Variants in DOCK7 observed in about 807,000 individuals in gnomAD.
DOCK7 encodes the protein dedicator of cytokinesis 7, also known as dedicator of cytokinesis protein 7.
A neutral mutation model predicts 271.0 loss-of-function variants in DOCK7; 138 were observed. The observed-to-expected ratio is 0.51, with a 90% CI of 0.44 to 0.59. The LOEUF (loss-of-function observed/expected upper bound fraction) is 0.59. DOCK7 is among the 20% of genes least tolerant of loss of function. DOCK7 has a pLI of 0.00. For synonymous variants in DOCK7, 823 were observed against 876.1 expected, an observed-to-expected ratio of 0.94 and a Z score of 1.07; for missense variants, 2,066 against 2,592.4, an observed-to-expected ratio of 0.80 and a Z score of 4.41.
intron 18 of DOCK7, among the ~76,000 whole-genome samples, chr1:62,571,069 C>T (rs1249556997): frequency 6.6e-6 from 1 of 152,012 alleles, no homozygotes; most frequent in Non-Finnish European, 1.5e-5. Flanking sequence ...TCTAAATAAA[C>T]TAAAGAGCTT....
At chr1:62,539,354 C>T (rs989383896) in intron 27 of DOCK7, among the ~76,000 whole-genome samples, 191 bp downstream of exon 27, 2 of 152,206 alleles carry the variant, frequency 1.3e-5, no homozygotes, top group Non-Finnish European at 2.9e-5. Flanking sequence ...CAGCTTGCCA[C>T]AGTCCTTGTG....
rs1571563834 is a variant in DOCK7 at position 62,565,118 on chromosome 1, G to T, written c.2113-3415C>A. Among the ~76,000 whole-genome samples, 5 of 152,158 alleles carry T rather than the reference G, an allele frequency of 3.3e-5. No individual in the cohort carries two copies. The East Asian group carries it at 9.7e-4, about 29-fold the overall frequency. ...GATTCATAGCTGAATTCTACCAGAGGTGCAAAGAAAAGCTGGTACCATTCC... is the reference window on the plus strand; with the variant it reads ...GATTCATAGCTGAATTCTACCAGAGTTGCAAAGAAAAGCTGGTACCATTCC... On this transcript the variant is annotated intron_variant, in intron 18 of 49. Transcript: ENST00000635253.
At chr1:62,468,923 G>A (rs115062578) in intron 48 of DOCK7, among the ~76,000 whole-genome samples, 2,563 of 152,104 alleles carry the variant, frequency 0.017, 70 homozygotes, top group African/African-American at 0.058. Flanking sequence ...AATCACAGAC[G>A]ACACTAACAA....
At chr1:62,511,598 C>T (rs1644485738) in intron 33 of DOCK7, among the ~76,000 whole-genome samples, 1 of 152,036 alleles carries the variant, frequency 6.6e-6, no homozygotes, top group Non-Finnish European at 1.5e-5. Flanking sequence ...ATACATATGT[C>T]AATTAAAGAA....
At chr1:62,479,022 AT>A (rs1242900600) in intron 43 of DOCK7, 26 of 152,276 alleles carry the variant, frequency 1.7e-4, no homozygotes, top group African/African-American at 6.0e-4. Context: ...AGTAGCTGGG[AT>A]TACAGGTGTG....
intron 14 of DOCK7, among the ~76,000 whole-genome samples, chr1:62,602,750 C>T (rs1290654484): frequency 6.6e-6 from 1 of 151,614 alleles, no homozygotes; most frequent in East Asian, 1.9e-4. Context: ...ACTCTATTCT[C>T]TCATTAACGT....
At chr1:62,593,758 T>A (rs975970727) in intron 14 of DOCK7, among the ~76,000 whole-genome samples, 1 of 152,166 alleles carries the variant, frequency 6.6e-6, no homozygotes, top group Admixed American at 6.5e-5. Context: ...AATGAGACAA[T>A]TGAGCACTTG....
rs1645908466 is a variant in DOCK7, at chr1:62,474,204, T to TA, written c.6106-117dup. On this transcript the variant is annotated intron_variant, in intron 47 of 49. Coordinates refer to ENST00000635253, the MANE Select transcript of DOCK7 (RefSeq NM_001367561.1). ...GATGGCTGCATTTAAGCTTAATGCA[T>TA]ATATGCCTATGCCTATATTAAAACT... 4 of 716,454 alleles carry TA rather than the reference T, an allele frequency of 5.6e-6. No individual in the cohort carries two copies. The East Asian group carries it at 8.0e-5, about 14-fold the overall frequency. The allele number at this position is 716,454 out of a possible 1,614,324, so 44.4% of individuals were successfully genotyped here.
chr1:62,550,876 G>A (rs1645879620), intron 22 of DOCK7, among the ~76,000 whole-genome samples: 1 of 151,658 alleles, frequency 6.6e-6, no homozygotes, highest in Admixed American at 6.6e-5. Context: ...ATCTGCCGCC[G>A]TGCCTGGCTA....
At chr1:62,688,068 C>A (rs372600235) in intron 1 of DOCK7, among the ~76,000 whole-genome samples, 159 bp downstream of exon 1, 3 of 151,576 alleles carry the variant, frequency 2.0e-5, no homozygotes, top group East Asian at 3.9e-4. Flanking sequence ...TCCGCTACCC[C>A]CTCAGCCACC....
intron 1 of DOCK7, among the ~76,000 whole-genome samples, chr1:62,673,203 T>C (rs1335848104): frequency 6.6e-6 from 1 of 152,166 alleles, no homozygotes; most frequent in Non-Finnish European, 1.5e-5. Context: ...ACAGTCCTTC[T>C]ACATAATACA....
intron 34 of DOCK7, among the ~76,000 whole-genome samples, chr1:62,510,103 A>C (rs1557645582): frequency 6.6e-6 from 1 of 152,230 alleles, no homozygotes; most frequent in Non-Finnish European, 1.5e-5. Flanking sequence ...GGGCAGTAAG[A>C]AGATTCATGT....
At chr1:62,468,360 C>CAAAAAAAAAAAAAAAAAAAAAAAAAA (rs201784083) in intron 48 of DOCK7, among the ~76,000 whole-genome samples, 1 of 93,082 alleles carries the variant, frequency 1.1e-5, no homozygotes, top group African/African-American at 3.8e-5. Context: ...GACTCTGTCT[C>CAAAAAAAAAAAAAAAAAAAAAAAAAA]AAAAAAAAAA....
chr1:62,468,373 A>AT (rs1645740197), intron 48 of DOCK7, among the ~76,000 whole-genome samples: 1 of 151,564 alleles, frequency 6.6e-6, no homozygotes, highest in Non-Finnish European at 1.5e-5. Flanking sequence ...AAAAAAAAAA[A>AT]AAAAAAGCAT....
chr1:62,661,319 T>C (rs915874907), intron 2 of DOCK7, among the ~76,000 whole-genome samples: 6 of 152,024 alleles, frequency 3.9e-5, no homozygotes, highest in Non-Finnish European at 7.4e-5. Flanking sequence ...GGTTTCAGTA[T>C]GGGATAATGA....
At chr1:62,579,009 C>A in intron 16 of DOCK7, 43 bp from the exon 17 acceptor site, 1 of 1,482,344 alleles carries the variant, frequency 6.7e-7, no homozygotes. Flanking sequence ...AGTAATTTGT[C>A]CAAAATAAAT....
intron 1 of DOCK7, among the ~76,000 whole-genome samples, chr1:62,677,554 A>T (rs2149762759): frequency 6.6e-6 from 1 of 152,280 alleles, no homozygotes; most frequent in African/African-American, 2.4e-5. Flanking sequence ...AGCAAATAAA[A>T]AAAAAAAATT....
intron 1 of DOCK7, among the ~76,000 whole-genome samples, chr1:62,668,093 C>T (rs1197963385): frequency 6.6e-6 from 1 of 152,026 alleles, no homozygotes; most frequent in South Asian, 2.1e-4. Flanking sequence ...AACACTGTAC[C>T]ACCTAGTAAG....
chr1:62,584,224 T>C (rs1486742796), intron 15 of DOCK7: 13 of 981,336 alleles, frequency 1.3e-5, no homozygotes, highest in Non-Finnish European at 1.6e-5. Context: ...GGCTCTTTTA[T>C]TTTAAGGGTA....
Sources: allele counts gnomAD v4.1 joint callset (sites outside exome capture counted in the v4.1 genomes callset), GRCh38; gene constraint gnomAD v4.1.1; transcripts MANE v1.5; gene names NCBI Gene and HGNC (gene_info 2026-07-23, HGNC 2026-07-21).